OPCML: variants seen among roughly 807,000 people sequenced by gnomAD.
OPCML encodes opioid-binding protein/cell adhesion molecule.
OPCML carries 13 observed loss-of-function variants against 37.8 expected under a neutral mutation model. The observed-to-expected ratio is 0.34, with a 90% CI of 0.22 to 0.55. The LOEUF (loss-of-function observed/expected upper bound fraction) is 0.55, where lower values mean the gene tolerates loss of function less well. Ranked by LOEUF, OPCML falls within the 20% of genes least tolerant of loss-of-function variation. The pLI, the probability that OPCML is intolerant of heterozygous loss-of-function variation, is 0.91. For synonymous variants in OPCML, 176 were observed against 168.8 expected (o/e 1.04, Z -0.33); for missense variants, 341 against 435.6 (o/e 0.78, Z 1.93).
chr11:132,554,878 T>TTTTG (rs1287596635), intron 3 of OPCML, among the ~76,000 whole-genome samples: 4 of 137,896 alleles, frequency 2.9e-5, no homozygotes, highest in African/African-American at 1.1e-4. Flanking sequence ...TTTTTTTTTT[T>TTTTG]TTTTTTTTTT....
chr11:132,656,248 C>T (rs115335277), intron 3 of OPCML, among the ~76,000 whole-genome samples: 41 of 152,228 alleles, frequency 2.7e-4, no homozygotes, highest in African/African-American at 8.4e-4. Context: ...TGGATTGCTG[C>T]CTTGCTTTAA....
At chr11:133,145,946 C>T (rs373918299) in intron 1 of OPCML, among the ~76,000 whole-genome samples, 100 of 152,272 alleles carry the variant, frequency 6.6e-4, no homozygotes, top group Middle Eastern at 3.4e-3. Flanking sequence ...CTGGCGAATA[C>T]CTTACAAGGT....
intron 1 of OPCML, among the ~76,000 whole-genome samples, chr11:133,180,373 C>T (rs1565489193): frequency 6.6e-6 from 1 of 152,162 alleles, no homozygotes. Flanking sequence ...CAGCTGATTG[C>T]AAAAGCCCAG....
intron 3 of OPCML, among the ~76,000 whole-genome samples, chr11:132,573,307 A>G (rs530593351): frequency 7.2e-5 from 11 of 152,090 alleles, no homozygotes; most frequent in Admixed American, 6.5e-4. Context: ...GAGAATAGCT[A>G]TGCCTGACTT....
chr11:133,278,623 C>T (rs1458836178), intron 1 of OPCML, among the ~76,000 whole-genome samples: 3 of 152,002 alleles, frequency 2.0e-5, no homozygotes. Context: ...GGCTATACTA[C>T]TAGATGTGTG....
intron 1 of OPCML, among the ~76,000 whole-genome samples, chr11:132,972,526 T>A (rs1022333998): frequency 3.3e-5 from 5 of 152,224 alleles, no homozygotes; most frequent in Non-Finnish European, 7.3e-5. Flanking sequence ...GTGCTGCATC[T>A]CTTCGTGTGC....
At chr11:132,919,707 C>T (rs1944725156) in intron 2 of OPCML, among the ~76,000 whole-genome samples, 1 of 152,112 alleles carries the variant, frequency 6.6e-6, no homozygotes, top group African/African-American at 2.4e-5. Flanking sequence ...TGTTGAATTG[C>T]TCGCTTCTGT....
At chr11:132,715,052 G>A (rs923570859) in intron 2 of OPCML, among the ~76,000 whole-genome samples, 4 of 152,154 alleles carry the variant, frequency 2.6e-5, no homozygotes, top group African/African-American at 9.7e-5. Flanking sequence ...CATGGGCAAG[G>A]GAGGGCAGGC....
At chr11:133,131,276 T>G (rs996341255) in intron 1 of OPCML, among the ~76,000 whole-genome samples, 2 of 152,172 alleles carry the variant, frequency 1.3e-5, no homozygotes, top group East Asian at 3.8e-4. Flanking sequence ...AGTATGTTTT[T>G]ACAGCAGCCA....
intron 1 of OPCML, among the ~76,000 whole-genome samples, chr11:132,997,295 T>A (rs1946906195): frequency 6.6e-6 from 1 of 152,238 alleles, no homozygotes; most frequent in South Asian, 2.1e-4. Context: ...CTGATACCAC[T>A]GCTTTCTGGT....
At chr11:132,574,022 ATAG>A (rs1475882491) in intron 3 of OPCML, among the ~76,000 whole-genome samples, 2 of 151,922 alleles carry the variant, frequency 1.3e-5, no homozygotes, top group African/African-American at 4.8e-5. Flanking sequence ...TTAATTGTTC[ATAG>A]TAGTCTTTCA....
intron 1 of OPCML, among the ~76,000 whole-genome samples, chr11:133,395,109 T>C (rs924135950): frequency 2.0e-5 from 3 of 152,212 alleles, no homozygotes; most frequent in African/African-American, 7.2e-5. Flanking sequence ...TTGATTTGCA[T>C]TTCTCTGATG....
rs578020611 is a variant in OPCML, at chr11:133,466,276, T to G, written c.61+65988A>C. On this transcript the variant is annotated intron_variant, in intron 1 of 7. Transcript: ENST00000524381. The stretch of plus-strand genomic sequence containing the variant: ...TCTGCTAGAAGATAAGACAAACACT[T>G]GAACACTTAACAGTATAATCCAAGA... Among the ~76,000 whole-genome samples the G allele has an allele frequency of 1.6e-3, 240 of 152,312 alleles. 3 individuals carry two copies. Among genetic ancestry groups the G allele is most frequent in the Non-Finnish European group, 9.6e-4 (65 of 68,020 alleles).
intron 1 of OPCML, among the ~76,000 whole-genome samples, chr11:133,200,343 A>G (rs755264734): frequency 4.6e-5 from 7 of 152,194 alleles, no homozygotes; most frequent in Non-Finnish European, 7.3e-5. Context: ...AGAAGAGAAG[A>G]TACTCATTTT....
intron 2 of OPCML, among the ~76,000 whole-genome samples, chr11:132,835,104 A>C (rs1156989594): frequency 6.6e-6 from 1 of 152,086 alleles, no homozygotes; most frequent in African/African-American, 2.4e-5. Flanking sequence ...GGCCAGGCTG[A>C]GGAGGATTGA....
intron 1 of OPCML, among the ~76,000 whole-genome samples, chr11:133,129,447 A>G (rs1179291925): frequency 6.6e-6 from 1 of 152,210 alleles, no homozygotes; most frequent in Non-Finnish European, 1.5e-5. Flanking sequence ...TCTGCCTAAC[A>G]CATTTCAGAG....
intron 2 of OPCML, among the ~76,000 whole-genome samples, chr11:132,803,081 G>C (rs56195105): frequency 3.3e-5 from 5 of 152,036 alleles, no homozygotes; most frequent in Non-Finnish European, 5.9e-5. Context: ...TCCTGGACAC[G>C]ATAACATCCT....
chr11:132,994,544 GTC>G (rs1946847007), intron 1 of OPCML, among the ~76,000 whole-genome samples: 1 of 151,988 alleles, frequency 6.6e-6, no homozygotes, highest in Non-Finnish European at 1.5e-5. Context: ...GTAGTACTGA[GTC>G]TGCTGAAGGC....
intron 2 of OPCML, among the ~76,000 whole-genome samples, chr11:132,766,159 CAACTAAT>C (rs1184784296): frequency 6.6e-6 from 1 of 151,090 alleles, no homozygotes; most frequent in Non-Finnish European, 1.5e-5. Context: ...ATAAATATGT[CAACTAAT>C]AACTATATAA....
Sources: allele counts gnomAD v4.1 joint callset (sites outside exome capture counted in the v4.1 genomes callset), GRCh38; gene constraint gnomAD v4.1.1; transcripts MANE v1.5; gene names NCBI Gene and HGNC (gene_info 2026-07-23, HGNC 2026-07-21).